The following ARHGEF11 variants were observed in gnomAD, a reference collection of about 807,000 sequenced individuals.
ARHGEF11 encodes Rho guanine nucleotide exchange factor 11.
In ARHGEF11, 55 loss-of-function variants were observed where a neutral mutation model predicts 193.7. The ratio of observed to expected loss-of-function variants is 0.28; its 90% CI spans 0.23 to 0.36. The LOEUF (loss-of-function observed/expected upper bound fraction) is 0.36, where lower values mean the gene tolerates loss of function less well. ARHGEF11 is among the 10% of genes least tolerant of loss of function. ARHGEF11 has a pLI of 1.00. For missense variants in ARHGEF11, 1,723 were observed against 2,005.6 expected, an observed-to-expected ratio of 0.86 and a Z score of 2.69; for synonymous variants, 693 against 768.0, an observed-to-expected ratio of 0.90 and a Z score of 1.62.
In ARHGEF11 at chr1:156,941,944, G is replaced by C; in HGVS notation, c.3372C>G (p.His1124Gln). ...GGACGGGCATTGGGGCAGCTCCGGG[G>C]TGCCTGGTGGCATTCCGCACGGCCT... ...LEEAVRNATR[H>Q]PGAAPMPVHP... Residue 1124 changes from histidine (H) to glutamine (Q), a missense_variant, in exon 34 of 41, where the codon CAC becomes CAG. By Grantham distance (24) the His-to-Gln change is conservative. Around this residue, in one of 5 missense-constraint regions of ARHGEF11, gnomAD observed 203 missense variants for 237.3 expected, o/e 0.86. Transcript: ENST00000368194. 12 of 1,614,126 alleles carry C rather than the reference G, an allele frequency of 7.4e-6. No homozygotes were observed. The highest frequency in any genetic ancestry group is 1.0e-5 in the Non-Finnish European group (12 of 1,180,008).
rs56870833 is a variant in ARHGEF11 at position 156,999,710 on chromosome 1, G to A, written c.33-13537C>T. On this transcript the variant is annotated intron_variant, in intron 1 of 40. Coordinates refer to ENST00000368194, the MANE Select transcript of ARHGEF11 (RefSeq NM_198236.3). ...TTTCAACAAAGGGCAAAGGAGATGA[G>A]CAGAACCTAGAACCTACAAGATAAA... is the stretch of plus-strand genomic sequence containing the variant. Among the ~76,000 whole-genome samples the A allele has an allele frequency of 3.6e-4, 55 of 152,250 alleles. No individual in the cohort carries two copies. In the East Asian group the frequency reaches 7.5e-3, roughly 21 times the overall value.
intron 40 of ARHGEF11, 119 bp from the exon 41 acceptor site, chr1:156,936,177 GA>G: frequency 9.4e-7 from 1 of 1,066,562 alleles, no homozygotes; most frequent in Non-Finnish European, 1.5e-6. Flanking sequence ...TTCTCCTCCA[GA>G]AACCCCAGTT....
chr1:156,988,080 G>C (rs1450520211), intron 1 of ARHGEF11, among the ~76,000 whole-genome samples: 1 of 151,966 alleles, frequency 6.6e-6, no homozygotes, highest in East Asian at 1.9e-4. Context: ...GCATCTAACA[G>C]GAAGTATAAT....
At chr1:156,965,279 C>T (rs188220473) in intron 11 of ARHGEF11, among the ~76,000 whole-genome samples, 68 of 152,232 alleles carry the variant, frequency 4.5e-4, no homozygotes, top group Admixed American at 7.8e-4. Context: ...ACAGGATAGA[C>T]GCCTGAACCC....
chr1:156,937,308 C>T lies in ARHGEF11; in HGVS notation c.4381G>A (p.Asp1461Asn). 1.2e-6 allele frequency: 2 copies of T among 1,613,934 alleles called. No homozygotes were observed. Among genetic ancestry groups the T allele is most frequent in the Non-Finnish European group, 1.7e-6 (2 of 1,179,934 alleles). ...ATGGTATGGAAGATCATGCCCACGTCCCTGAGGGCCAGGCTTGGAGGAGAG... is the reference window on the plus strand; with the variant it reads ...ATGGTATGGAAGATCATGCCCACGTTCCTGAGGGCCAGGCTTGGAGGAGAG... ...SRSPPSLALR[D>N]VGMIFHTIEQ... Residue 1461 changes from aspartate (D) to asparagine (N), a missense_variant, in exon 39 of 41, where the codon GAC (aspartate) becomes AAC (asparagine). Transcript: ENST00000368194.
intron 1 of ARHGEF11, among the ~76,000 whole-genome samples, chr1:157,004,593 A>C (rs1383321386): frequency 6.6e-6 from 1 of 152,170 alleles, no homozygotes; most frequent in Non-Finnish European, 1.5e-5. Flanking sequence ...AGAGAGATGC[A>C]ATGGGAATTT....
At chr1:156,936,779 C>A in intron 40 of ARHGEF11, 37 bp downstream of exon 40, 1 of 1,591,026 alleles carries the variant, frequency 6.3e-7, no homozygotes, top group Non-Finnish European at 8.6e-7. Context: ...ACTTCTCCCC[C>A]AATGGTAGGA....
At chr1:156,988,833 G>A (rs16837929) in intron 1 of ARHGEF11, among the ~76,000 whole-genome samples, 4,085 of 152,194 alleles carry the variant, frequency 0.027, 73 homozygotes, top group South Asian at 0.054. Context: ...TTAAAGGAGA[G>A]AAAACTACCA....
chr1:156,956,405 A>G lies in ARHGEF11; in HGVS notation c.1671+15T>C. On this transcript the variant is annotated intron_variant, in intron 19 of 40. Coordinates refer to ENST00000368194, the MANE Select transcript of ARHGEF11 (RefSeq NM_198236.3). ...ACTAGGATTACAGGCATGAGCCACC[A>G]TGCCCGGCCCTCACCTTCTTGGTCT... 3.1e-6 allele frequency: 5 copies of G among 1,613,858 alleles called. No individual in the cohort carries two copies. The highest frequency in any genetic ancestry group is 1.7e-6 in the Non-Finnish European group (2 of 1,179,874).
chr1:156,939,896 G>A lies in ARHGEF11; in HGVS notation c.3748C>T (p.His1250Tyr). 6.2e-7 allele frequency: 1 copy of A among 1,605,346 alleles called. No individual in the cohort carries two copies. Among genetic ancestry groups the A allele is most frequent in the Non-Finnish European group, 8.5e-7 (1 of 1,179,720 alleles). Reference protein sequence around the residue: ...SALEDVENLRHLILWSLLPGH... With the variant: ...SALEDVENLRYLILWSLLPGH... ...GGCAGCAGGCTCCACAGGATCAGAT[G>A]TCGCAGGTTCTCCACTGGAGGGGAA... Residue 1250 changes from histidine (H) to tyrosine (Y), a missense_variant, in exon 37 of 41, where the codon CAT (histidine) becomes TAT (tyrosine). This residue lies in a region of ARHGEF11 where 203 missense variants were observed against 237.3 expected (regional missense o/e 0.86). Coordinates refer to ENST00000368194, the MANE Select transcript of ARHGEF11 (RefSeq NM_198236.3).
chr1:156,948,128 G>A lies in ARHGEF11; in HGVS notation c.2153+53C>T. The stretch of plus-strand genomic sequence containing the variant: ...TTGCAGGTGAGAGGAGCAGCTGGGT[G>A]TGGATGGGACACAGAGACACCAAAC... On this transcript the variant is annotated intron_variant, in intron 24 of 40. Transcript: ENST00000368194. The surrounding 1 kb of genome is among the most constrained non-coding windows in gnomAD (Gnocchi z 4.2). 1.9e-6 allele frequency: 3 copies of A among 1,540,800 alleles called. No homozygotes were observed. The highest frequency in any genetic ancestry group is 2.6e-6 in the Non-Finnish European group (3 of 1,141,370).
chr1:156,937,388 G>C lies in ARHGEF11; in HGVS notation c.4301C>G (p.Thr1434Arg), dbSNP rs774563706. 2 of 1,606,176 alleles carry C rather than the reference G, an allele frequency of 1.2e-6. No individual in the cohort carries two copies. Among genetic ancestry groups the C allele is most frequent in the South Asian group, 1.1e-5 (1 of 89,388 alleles). The change falls in exon 39 of 41, where the codon ACA becomes AGA. Residue 1434 changes from threonine to arginine, a missense_variant. Thr to Arg is a moderately conservative substitution (Grantham distance 71). This residue lies in a region of ARHGEF11 where 360 missense variants were observed against 344.4 expected (regional missense o/e 1.05). Transcript: ENST00000368194. ...PQPDSLPAGQTEPQPQLQGGN... is the reference protein window; with the variant it reads ...PQPDSLPAGQREPQPQLQGGN... ...TCCCTGCAGCTGAGGCTGAGGCTCT[G>C]TCTGCCCTGCAGGGAGGCTGTCAGG... is the stretch of plus-strand genomic sequence containing the variant.
rs1365550161 is a variant in ARHGEF11 at position 157,044,783 on chromosome 1, C to T, written c.-453G>A. 2 of 365,364 alleles carry T rather than the reference C, an allele frequency of 5.5e-6. No individual in the cohort carries two copies. Among genetic ancestry groups the T allele is most frequent in the Non-Finnish European group, 9.7e-6 (2 of 206,832 alleles). 22.6% of individuals were successfully genotyped at this position (365,364 alleles called of 1,614,324 possible). ...GCTGTCCTTCTGTTGGCAAGAGACC[C>T]TCTAGCTCAAAGGGGGAAAGTAATT... On this transcript the variant is annotated 5_prime_UTR_variant, in exon 1 of 41. Transcript: ENST00000368194.
At position 156,935,998 on chromosome 1, in the gene ARHGEF11, G is replaced by A. The variant is rs373546180; in HGVS notation, c.*2C>T. The A allele has an allele frequency of 3.2e-5, 51 of 1,612,688 alleles. No homozygotes were observed. Among genetic ancestry groups the A allele is most frequent in the Middle Eastern group, 1.7e-4 (1 of 5,808 alleles). Reference sequence around the variant, plus strand: ...ACGCAGAGGATTTGGTGGTTTGTACGGTTATGGTCCTGGTGACGCGGCTGC... The same window carrying A: ...ACGCAGAGGATTTGGTGGTTTGTACAGTTATGGTCCTGGTGACGCGGCTGC... On this transcript the variant is annotated 3_prime_UTR_variant, in exon 41 of 41. Transcript: ENST00000368194.
chr1:157,045,786 C>T (rs1673258026), upstream of ARHGEF11, among the ~76,000 whole-genome samples: 1 of 150,894 alleles, frequency 6.6e-6, no homozygotes, highest in Admixed American at 6.6e-5. Context: ...GCCCCTTCCC[C>T]CTCGGTTCGC....
At chr1:157,032,707 A>G (rs75336124) in intron 1 of ARHGEF11, among the ~76,000 whole-genome samples, 4,303 of 151,926 alleles carry the variant, frequency 0.028, 75 homozygotes, top group South Asian at 0.054. Flanking sequence ...TTCACCTCCT[A>G]TTCTCACTTG....
chr1:156,960,518 G>C, intron 14 of ARHGEF11, 58 bp from the exon 15 acceptor site: 1 of 1,570,064 alleles, frequency 6.4e-7, no homozygotes, highest in Non-Finnish European at 8.8e-7. Flanking sequence ...AGGGAGATGA[G>C]CAGTGTGCAA....
intron 1 of ARHGEF11, among the ~76,000 whole-genome samples, chr1:157,030,242 G>A (rs1171372330): frequency 6.6e-6 from 1 of 152,120 alleles, no homozygotes; most frequent in African/African-American, 2.4e-5. Context: ...AGGCACCATA[G>A]TGTACACAAA....
chr1:157,043,367 C>T (rs899356739), intron 1 of ARHGEF11, among the ~76,000 whole-genome samples: 25 of 152,218 alleles, frequency 1.6e-4, no homozygotes, highest in African/African-American at 2.9e-4. Context: ...TGGGGAGAAG[C>T]GTTGAGGAGG....
Sources: allele counts gnomAD v4.1 joint callset (sites outside exome capture counted in the v4.1 genomes callset), GRCh38; gene constraint gnomAD v4.1.1; regional missense constraint gnomAD v4.1.1; non-coding constraint Gnocchi (gnomAD v3.1); transcripts MANE v1.5; gene names NCBI Gene and HGNC (gene_info 2026-07-23, HGNC 2026-07-21).